The following ERI3 variants were observed in gnomAD, a reference collection of about 807,000 sequenced individuals.
The protein encoded by ERI3 is ERI1 exoribonuclease 3.
A neutral mutation model predicts 44.4 loss-of-function variants in ERI3; 18 were observed. That is an observed-to-expected ratio of 0.41 (90% CI 0.28 to 0.60). The LOEUF (loss-of-function observed/expected upper bound fraction) is 0.60, where lower values mean the gene tolerates loss of function less well. Ranked by LOEUF, ERI3 falls within the 20% of genes least tolerant of loss-of-function variation. ERI3 has a pLI of 0.36. For missense variants in ERI3, 294 were observed against 435.5 expected (o/e 0.68, Z 2.89); for synonymous variants, 183 against 164.8 (o/e 1.11, Z -0.84).
chr1:44,348,340 C>T (rs765563043), intron 2 of ERI3, among the ~76,000 whole-genome samples: 1 of 152,140 alleles, frequency 6.6e-6, no homozygotes, highest in Non-Finnish European at 1.5e-5. Flanking sequence ...ACTGTCACAT[C>T]CAATCACTAC....
intron 3 of ERI3, among the ~76,000 whole-genome samples, chr1:44,325,226 C>T (rs1028447775): frequency 1.1e-4 from 17 of 151,880 alleles, no homozygotes; most frequent in African/African-American, 3.6e-4. Flanking sequence ...TACAGGCACC[C>T]GTGACCACAC....
intron 6 of ERI3, among the ~76,000 whole-genome samples, chr1:44,307,838 C>A (rs925449428): frequency 1.3e-5 from 2 of 152,192 alleles, no homozygotes; most frequent in South Asian, 4.1e-4. Context: ...AGTTTGAATC[C>A]TGGCTGTGTG....
intron 7 of ERI3, among the ~76,000 whole-genome samples, chr1:44,265,245 G>A (rs1243911921): frequency 6.6e-6 from 1 of 152,228 alleles, no homozygotes; most frequent in Non-Finnish European, 1.5e-5. Flanking sequence ...CCTGTTGTTG[G>A]TGAAGGACTT....
intron 2 of ERI3, among the ~76,000 whole-genome samples, chr1:44,341,595 A>G (rs1646653888): frequency 6.6e-6 from 1 of 152,106 alleles, no homozygotes; most frequent in Non-Finnish European, 1.5e-5. Flanking sequence ...CTACATCAAA[A>G]AGCTTCTTTT....
intron 8 of ERI3, among the ~76,000 whole-genome samples, chr1:44,239,644 C>T (rs1303124462): frequency 6.6e-6 from 1 of 152,188 alleles, no homozygotes; most frequent in African/African-American, 2.4e-5. Context: ...CCTCTGGGGC[C>T]CAAGGAACCT....
chr1:44,248,401 C>G (rs928466525), intron 7 of ERI3, among the ~76,000 whole-genome samples: 1 of 152,140 alleles, frequency 6.6e-6, no homozygotes, highest in Non-Finnish European at 1.5e-5. Flanking sequence ...CTTTCCGGAG[C>G]CCCCAGCACT....
At chr1:44,282,803 AAC>A (rs1645316283) in intron 7 of ERI3, among the ~76,000 whole-genome samples, 1 of 152,224 alleles carries the variant, frequency 6.6e-6, no homozygotes, top group Admixed American at 6.5e-5. Flanking sequence ...GCCAACTAGC[AAC>A]AGAGTCCTCA....
chr1:44,262,645 G>A (rs575917852), intron 7 of ERI3, among the ~76,000 whole-genome samples: 38 of 152,340 alleles, frequency 2.5e-4, no homozygotes, highest in African/African-American at 9.1e-4. Flanking sequence ...CAGGCAGAGG[G>A]AAGATCTGCC....
At chr1:44,248,932 G>T (rs1023238706) in intron 7 of ERI3, among the ~76,000 whole-genome samples, 1 of 152,094 alleles carries the variant, frequency 6.6e-6, no homozygotes, top group Non-Finnish European at 1.5e-5. Flanking sequence ...CCACCTGGGG[G>T]GGGGACACAC....
Position 44,339,167 on chromosome 1 carries a change from G to C in ERI3, c.367C>G (p.Leu123Val). 6.2e-7 allele frequency: 1 copy of C among 1,614,076 alleles called. No homozygotes were observed. The highest frequency in any genetic ancestry group is 8.5e-7 in the Non-Finnish European group (1 of 1,180,008). The change falls in exon 3 of 9, where the codon CTG (leucine) becomes GTG (valine). Residue 123 changes from leucine to valine, a missense_variant. Physicochemically the swap from Leu to Val is conservative, Grantham distance 32. Transcript: ENST00000372257. ...GATGCGCCAAAGCCGTGGGCCGCCA[G>C]CTTTCTGGTGGATATGGAGCAGAAC... is the stretch of plus-strand genomic sequence containing the variant. Reference protein sequence around the residue: ...PEFCSISTRKLAAHGFGASMA... With the variant: ...PEFCSISTRKVAAHGFGASMA...
chr1:44,353,728 T>C, intron 1 of ERI3: 1 of 985,452 alleles, frequency 1.0e-6, no homozygotes, highest in South Asian at 4.7e-5. Flanking sequence ...CTCTATGACC[T>C]AGCTAGCTGA....
At position 44,322,814 on chromosome 1, in the gene ERI3, T is replaced by C. The variant is rs374445335; in HGVS notation, c.490-3070A>G. 272 of 1,550,056 alleles carry C rather than the reference T, an allele frequency of 1.8e-4. 2 individuals carry two copies. In the African/African-American group the frequency reaches 2.9e-3, roughly 17 times the overall value. On this transcript the variant is annotated intron_variant, in intron 3 of 8. Coordinates refer to ENST00000372257, the MANE Select transcript of ERI3 (RefSeq NM_024066.3). ...CCCAGTAGTGGGAGAGGTGCCCCAA[T>C]CTGCACCAAGTTGGCACAACTCTGC...
chr1:44,313,692 TTC>T, intron 4 of ERI3, among the ~76,000 whole-genome samples: 1 of 152,258 alleles, frequency 6.6e-6, no homozygotes, highest in Middle Eastern at 3.4e-3. Context: ...AGTCCACCCC[TTC>T]TCTGAGCCTT....
rs187735546 is a variant in ERI3, at chr1:44,290,958, A to G, written c.759-6051T>C. Among the ~76,000 whole-genome samples, 900 of 152,284 alleles carry G rather than the reference A, an allele frequency of 5.9e-3. 3 individuals carry two copies. The highest frequency in any genetic ancestry group is 8.1e-3 in the Non-Finnish European group (553 of 68,026). ...TACACATGGAGCAAATTGAGCAACA[A>G]TGAGAGCAGGCACGAGGCTGGGACG... On this transcript the variant is annotated intron_variant, in intron 6 of 8. Transcript: ENST00000372257.
At chr1:44,274,335 T>A in intron 7 of ERI3, among the ~76,000 whole-genome samples, 1 of 152,196 alleles carries the variant, frequency 6.6e-6, no homozygotes, top group Non-Finnish European at 1.5e-5. Context: ...CCAATCAAAG[T>A]AACAGTGCCG....
At chr1:44,332,891 G>T (rs1646459718) in intron 3 of ERI3, among the ~76,000 whole-genome samples, 1 of 152,194 alleles carries the variant, frequency 6.6e-6, no homozygotes, top group South Asian at 2.1e-4. Flanking sequence ...AGACAAAGGG[G>T]CCTAGTGGGC....
intron 7 of ERI3, among the ~76,000 whole-genome samples, chr1:44,277,168 A>G (rs1282048845): frequency 6.6e-6 from 1 of 152,154 alleles, no homozygotes; most frequent in Non-Finnish European, 1.5e-5. Flanking sequence ...CAAATCTACA[A>G]GCCTACCTAC....
chr1:44,281,091 T>A (rs1645274144), intron 7 of ERI3, among the ~76,000 whole-genome samples: 1 of 152,184 alleles, frequency 6.6e-6, no homozygotes, highest in African/African-American at 2.4e-5. Context: ...CAATTTCAAC[T>A]CATTCTTCAG....
intron 3 of ERI3, among the ~76,000 whole-genome samples, chr1:44,336,861 T>A (rs1028962120): frequency 1.3e-5 from 2 of 152,230 alleles, no homozygotes; most frequent in African/African-American, 4.8e-5. Context: ...GTTCATTGAT[T>A]CTGGAGATAA....
Sources: gnomAD v4.1 joint callset for allele counts (sites outside exome capture counted in the v4.1 genomes callset) on GRCh38, gnomAD v4.1.1 for gene constraint, MANE v1.5 for transcripts, NCBI Gene and HGNC (gene_info 2026-07-23, HGNC 2026-07-21) for gene names.